The following ANO2 variants were observed in gnomAD, a reference collection of about 807,000 sequenced individuals.
The protein encoded by ANO2 is anoctamin-2.
ANO2 carries 101 observed loss-of-function variants against 124.2 expected under a neutral mutation model. That is an observed-to-expected ratio of 0.81 (90% CI 0.69 to 0.96). The LOEUF (loss-of-function observed/expected upper bound fraction) is 0.96. Ranked by LOEUF, ANO2 falls within the 40% of genes least tolerant of loss-of-function variation. The pLI is 0.00. For missense variants in ANO2, 1,293 were observed against 1,274.5 expected (o/e 1.01, Z -0.22); for synonymous variants, 486 against 482.5 (o/e 1.01, Z -0.09).
intron 19 of ANO2, among the ~76,000 whole-genome samples, chr12:5,606,844 T>G (rs938860310): frequency 6.6e-6 from 1 of 152,152 alleles, no homozygotes. Flanking sequence ...GAGAAAGAGA[T>G]AAATTATAGC....
At position 5,832,536 on chromosome 12, in the gene ANO2, G is replaced by A. The variant is rs772006493; in HGVS notation, c.701C>T (p.Ser234Leu). The A allele has an allele frequency of 2.7e-5, 43 of 1,613,804 alleles. 1 individual carries two copies. The highest frequency in any genetic ancestry group is 1.6e-4 in the Middle Eastern group (1 of 6,084). Residue 234 changes from serine (S) to leucine (L), a missense_variant, in exon 5 of 25, where the codon TCG becomes TTG. Transcript: ENST00000682330. ...KFSAALQKLS[S>L]HLQPRVPEHS... ...TTCTGGAACTCGGGGCTGCAGGTGC[G>A]AGCTCAGCTTCTGCAGAGCCGCGCT...
intron 1 of ANO2, 27 bp from the exon 2 acceptor site, chr12:5,922,831 A>T (rs1054011677): frequency 6.8e-7 from 1 of 1,471,384 alleles, no homozygotes; most frequent in South Asian, 1.4e-5. Flanking sequence ...CAAGGGAGGC[A>T]AAACAGCCTC....
intron 20 of ANO2, among the ~76,000 whole-genome samples, chr12:5,593,592 T>G (rs1177000474): frequency 6.6e-6 from 1 of 152,214 alleles, no homozygotes; most frequent in Non-Finnish European, 1.5e-5. Context: ...TTCAGGAGCT[T>G]CAAACTGTTT....
chr12:5,807,582 T>C (rs1483629713), intron 7 of ANO2, among the ~76,000 whole-genome samples: 1 of 152,238 alleles, frequency 6.6e-6, no homozygotes, highest in African/African-American at 2.4e-5. Context: ...TATGTTTTAA[T>C]ATCAAATATG....
intron 20 of ANO2, among the ~76,000 whole-genome samples, chr12:5,592,921 C>T (rs967935433): frequency 5.9e-5 from 9 of 152,318 alleles, no homozygotes; most frequent in African/African-American, 1.9e-4. Flanking sequence ...AACTTGAAAG[C>T]GGCCACAAGA....
chr12:5,754,978 A>T (rs978726594), intron 10 of ANO2, among the ~76,000 whole-genome samples: 12 of 151,778 alleles, frequency 7.9e-5, no homozygotes, highest in Non-Finnish European at 1.8e-4. Context: ...CTTCTTTTGT[A>T]GTTACTTGAG....
In ANO2 at chr12:5,847,353, C is replaced by T. The variant is rs148410724; in HGVS notation, c.633+6690G>A. Among the ~76,000 whole-genome samples the T allele has an allele frequency of 4.5e-3, 692 of 152,274 alleles. 6 individuals carry two copies. Among genetic ancestry groups the T allele is most frequent in the African/African-American group, 0.016 (652 of 41,540 alleles). ...TCTTTGGACATAGACTGGAACTACA[C>T]CATCAGCTCTCCTGGGTCTCCATCG... On this transcript the variant is annotated intron_variant, in intron 4 of 24. Coordinates refer to ENST00000682330, the MANE Select transcript of ANO2 (RefSeq NM_001364791.2).
At chr12:5,884,565 A>G (rs1170650214) in intron 3 of ANO2, among the ~76,000 whole-genome samples, 1 of 152,234 alleles carries the variant, frequency 6.6e-6, no homozygotes, top group Admixed American at 6.5e-5. Flanking sequence ...AGAGGTGGTG[A>G]GCAGGCAACA....
chr12:5,883,608 G>A (rs1938669024), intron 3 of ANO2, among the ~76,000 whole-genome samples: 1 of 151,580 alleles, frequency 6.6e-6, no homozygotes. Context: ...TTGAGAGGTG[G>A]CCCCCATGGA....
intron 3 of ANO2, among the ~76,000 whole-genome samples, chr12:5,864,874 C>T (rs1955375513): frequency 6.6e-6 from 1 of 152,174 alleles, no homozygotes; most frequent in Admixed American, 6.5e-5. Context: ...TATCCCCTTC[C>T]TGTCTTTCAT....
intron 14 of ANO2, among the ~76,000 whole-genome samples, chr12:5,701,369 AT>A (rs1949400135): frequency 6.6e-6 from 1 of 151,758 alleles, no homozygotes; most frequent in South Asian, 2.1e-4. Context: ...AAATTTTGCC[AT>A]TTTTCTTATT....
intron 14 of ANO2, among the ~76,000 whole-genome samples, chr12:5,682,031 T>C (rs570226951): frequency 9.8e-5 from 15 of 152,316 alleles, no homozygotes; most frequent in Admixed American, 7.2e-4. Flanking sequence ...CAGTTTCTTC[T>C]CTTTAATCAA....
intron 3 of ANO2, chr12:5,858,795 A>C (rs1225933422): frequency 3.3e-5 from 5 of 152,212 alleles, no homozygotes; most frequent in Non-Finnish European, 7.3e-5. Context: ...ACAGTATCTG[A>C]AACTTCTTCT....
intron 6 of ANO2, among the ~76,000 whole-genome samples, chr12:5,828,533 G>A (rs1404642818): frequency 6.6e-6 from 1 of 152,188 alleles, no homozygotes; most frequent in Admixed American, 6.5e-5. Flanking sequence ...TTGCCTCCCT[G>A]ATCAGAGCAT....
intron 10 of ANO2, among the ~76,000 whole-genome samples, chr12:5,788,555 C>CTTTTG: frequency 6.6e-6 from 1 of 151,956 alleles, no homozygotes. Context: ...ATATGTTTGT[C>CTTTTG]TTTTGTTTTT....
At chr12:5,935,676 C>T (rs777714902) in intron 1 of ANO2, among the ~76,000 whole-genome samples, 10 of 152,146 alleles carry the variant, frequency 6.6e-5, no homozygotes, top group African/African-American at 1.2e-4. Context: ...AGGAGCCTGT[C>T]ATGGGAAGCC....
At chr12:5,672,580 C>CGTGT (rs747792294) in intron 14 of ANO2, among the ~76,000 whole-genome samples, 101 of 147,956 alleles carry the variant, frequency 6.8e-4, no homozygotes, top group African/African-American at 2.2e-3. Flanking sequence ...GCAGTCAGCT[C>CGTGT]GTGTGTGTGT....
chr12:5,617,075 G>A (rs534762544), intron 16 of ANO2, among the ~76,000 whole-genome samples: 18 of 150,276 alleles, frequency 1.2e-4, no homozygotes, highest in African/African-American at 3.4e-4. Flanking sequence ...AGATTACACC[G>A]TACCGCACTC....
chr12:5,611,159 TG>T (rs139280638), intron 19 of ANO2, among the ~76,000 whole-genome samples: 2,176 of 151,724 alleles, frequency 0.014, 58 homozygotes, highest in African/African-American at 0.049. Context: ...TTAAGAGAGA[TG>T]GGGTGTCACC....
Sources: gnomAD v4.1 joint callset for allele counts (sites outside exome capture counted in the v4.1 genomes callset) on GRCh38, gnomAD v4.1.1 for gene constraint, MANE v1.5 for transcripts, NCBI Gene and HGNC (gene_info 2026-07-23, HGNC 2026-07-21) for gene names.